Variants in MYO16 observed in about 807,000 individuals in gnomAD.
MYO16 encodes myosin XVI.
In MYO16, 94 loss-of-function variants were observed where a neutral mutation model predicts 205.3. That is an observed-to-expected ratio of 0.46 (90% CI 0.39 to 0.54). MYO16 has a LOEUF of 0.54. Among genes scored for constraint, MYO16 ranks in the 20% least tolerant of loss-of-function variants. The pLI is 0.00. For missense variants in MYO16, 2,315 were observed against 2,387.5 expected, an observed-to-expected ratio of 0.97 and a Z score of 0.63; for synonymous variants, 988 against 954.0, an observed-to-expected ratio of 1.04 and a Z score of -0.66.
intron 34 of MYO16, among the ~76,000 whole-genome samples, chr13:109,200,997 A>G (rs1334358553): frequency 1.3e-5 from 2 of 152,058 alleles, no homozygotes; most frequent in African/African-American, 4.8e-5. Context: ...TGCCATAAGG[A>G]GATGGAAGAG....
chr13:108,833,897 T>C (rs1331003551), intron 9 of MYO16, among the ~76,000 whole-genome samples: 3 of 152,208 alleles, frequency 2.0e-5, no homozygotes, highest in African/African-American at 4.8e-5. Flanking sequence ...TTTTTTAAAA[T>C]GTTTATGGGA....
At chr13:109,081,168 A>G (rs556759457) in intron 27 of MYO16, among the ~76,000 whole-genome samples, 107 of 152,328 alleles carry the variant, frequency 7.0e-4, no homozygotes, top group African/African-American at 2.5e-3. Context: ...GGTTAAAACT[A>G]TAAATTCTTC....
the MYO16 span, among the ~76,000 whole-genome samples, chr13:108,585,906 G>C: frequency 4.6e-5 from 7 of 152,132 alleles, no homozygotes; most frequent in African/African-American, 1.7e-4. Flanking sequence ...GAAATTGAAG[G>C]ATGGAGAAAT....
chr13:108,943,702 C>T lies in MYO16; in HGVS notation c.1926-13986C>T, dbSNP rs9301334. 1.6e-4 allele frequency among the ~76,000 whole-genome samples: 25 copies of T among 151,874 alleles called. No homozygotes were observed. In the East Asian group the frequency reaches 4.3e-3, roughly 26 times the overall value. Reference sequence around the variant, plus strand: ...CTGACCTCAAGTGATCCACCTGCCTCGGCCTCCCAAAGTGCTGGGATTATA... The same window carrying T: ...CTGACCTCAAGTGATCCACCTGCCTTGGCCTCCCAAAGTGCTGGGATTATA... On this transcript the variant is annotated intron_variant, in intron 16 of 34. Transcript: ENST00000457511.
intron 12 of MYO16, among the ~76,000 whole-genome samples, chr13:108,882,453 C>T (rs1207010845): frequency 6.6e-6 from 1 of 152,126 alleles, no homozygotes; most frequent in African/African-American, 2.4e-5. Context: ...ATAAAAATAA[C>T]TTTGATTTCT....
intron 16 of MYO16, among the ~76,000 whole-genome samples, chr13:108,951,047 TG>T (rs201045952): frequency 0.11 from 17,164 of 151,724 alleles, 1,035 homozygotes; most frequent in Middle Eastern, 0.25. Flanking sequence ...AACGTTTTTT[TG>T]TTTTTGTTTT....
chr13:108,968,807 C>T (rs1351905526), intron 20 of MYO16, among the ~76,000 whole-genome samples: 2 of 152,148 alleles, frequency 1.3e-5, no homozygotes, highest in Non-Finnish European at 2.9e-5. Context: ...GGCCAGTGCC[C>T]TCTTAGAGCT....
chr13:108,750,853 C>T (rs1001691113), intron 4 of MYO16, among the ~76,000 whole-genome samples: 3 of 151,966 alleles, frequency 2.0e-5, no homozygotes, highest in Middle Eastern at 6.8e-3. Flanking sequence ...ACACTGGAAG[C>T]GGACAATTAC....
chr13:108,927,455 GCCCTGCTGAGGAC>G (rs1471862865), intron 16 of MYO16, among the ~76,000 whole-genome samples: 3 of 152,104 alleles, frequency 2.0e-5, no homozygotes, highest in Admixed American at 6.5e-5. Flanking sequence ...ATTCTCACAT[GCCCTGCTGAGGAC>G]CCCTGCTGCA....
At chr13:108,752,891 T>C (rs1283185815) in intron 4 of MYO16, among the ~76,000 whole-genome samples, 1 of 142,092 alleles carries the variant, frequency 7.0e-6, no homozygotes, top group South Asian at 2.5e-4. Flanking sequence ...GGTCTCGAAC[T>C]CCTGACTTCG....
chr13:108,654,418 T>G (rs1299043174), intron 1 of MYO16, among the ~76,000 whole-genome samples: 1 of 152,228 alleles, frequency 6.6e-6, no homozygotes, highest in Non-Finnish European at 1.5e-5. Context: ...ATGTAAGAAG[T>G]GCCTTTTGCC....
chr13:108,559,216 A>T, the MYO16 span, among the ~76,000 whole-genome samples: 1 of 152,138 alleles, frequency 6.6e-6, no homozygotes, highest in East Asian at 1.9e-4. Flanking sequence ...GAGAGGGAAG[A>T]GTGTGTGAAG....
At chr13:108,816,901 A>G (rs1314098936) in intron 7 of MYO16, among the ~76,000 whole-genome samples, 1 of 152,238 alleles carries the variant, frequency 6.6e-6, no homozygotes, top group African/African-American at 2.4e-5. Context: ...CAATGCAGTA[A>G]TAAATGGACA....
the MYO16 span, among the ~76,000 whole-genome samples, chr13:108,576,909 C>T: frequency 5.9e-5 from 9 of 152,106 alleles, no homozygotes; most frequent in South Asian, 6.2e-4. Flanking sequence ...TACAGGCATA[C>T]GCCACCACAT....
chr13:109,027,371 C>T (rs978546089), intron 23 of MYO16, among the ~76,000 whole-genome samples: 17 of 152,298 alleles, frequency 1.1e-4, no homozygotes, highest in African/African-American at 3.6e-4. Context: ...TCTGGGTGGA[C>T]GTGAATTTTA....
intron 16 of MYO16, among the ~76,000 whole-genome samples, chr13:108,914,952 GT>G (rs1049164842): frequency 2.0e-5 from 3 of 152,138 alleles, no homozygotes; most frequent in African/African-American, 7.2e-5. Context: ...CTGTAATTTG[GT>G]TTTATCATTA....
intron 11 of MYO16, among the ~76,000 whole-genome samples, chr13:108,856,451 T>C (rs1036598973): frequency 1.3e-5 from 2 of 152,222 alleles, no homozygotes; most frequent in South Asian, 4.1e-4. Context: ...AGCATCTTAA[T>C]GCTTAGAAAA....
intron 18 of MYO16, 66 bp downstream of exon 18, chr13:108,961,722 A>T: frequency 7.8e-7 from 1 of 1,274,260 alleles, no homozygotes. Context: ...CTACCAGTAG[A>T]TGGCGACATA....
At chr13:108,781,959 C>T (rs1886318384) in intron 4 of MYO16, among the ~76,000 whole-genome samples, 1 of 152,136 alleles carries the variant, frequency 6.6e-6, no homozygotes, top group Non-Finnish European at 1.5e-5. Flanking sequence ...AATTAAACCT[C>T]CTTTTGTTCC....
Sources: gnomAD v4.1 joint callset for allele counts (sites outside exome capture counted in the v4.1 genomes callset) on GRCh38, gnomAD v4.1.1 for gene constraint, MANE v1.5 for transcripts, NCBI Gene and HGNC (gene_info 2026-07-23, HGNC 2026-07-21) for gene names.